RBM19: variants seen among roughly 807,000 people sequenced by gnomAD.
The protein encoded by RBM19 is RNA binding motif protein 19, also known as probable RNA-binding protein 19.
RBM19 carries 94 observed loss-of-function variants against 116.8 expected under a neutral mutation model. That is an observed-to-expected ratio of 0.80 (90% confidence interval 0.68 to 0.95). RBM19 has a LOEUF of 0.95. Among genes scored for constraint, RBM19 ranks in the 40% least tolerant of loss-of-function variants. RBM19 has a pLI of 0.00. For missense variants in RBM19, 1,161 were observed against 1,220.7 expected, an observed-to-expected ratio of 0.95 and a Z score of 0.73; for synonymous variants, 475 against 494.1, an observed-to-expected ratio of 0.96 and a Z score of 0.51.
intron 2 of RBM19, 30 bp from the exon 3 acceptor site, chr12:113,960,208 C>T: frequency 6.2e-7 from 1 of 1,612,324 alleles, no homozygotes; most frequent in Non-Finnish European, 8.5e-7. Context: ...ATTTTCACAC[C>T]TGCCATGGCA....
At chr12:113,856,140 T>G (rs1593489345) in intron 22 of RBM19, among the ~76,000 whole-genome samples, 1 of 152,200 alleles carries the variant, frequency 6.6e-6, no homozygotes, top group Non-Finnish European at 1.5e-5. Context: ...GGAGAGGCTG[T>G]GAGTTGAGCC....
chr12:113,948,867 G>C lies in RBM19; in HGVS notation c.1242C>G (p.Thr414=), dbSNP rs1277368988. The stretch of plus-strand genomic sequence containing the variant: ...AGAAGAGCTTCTCCAGATCCTCCTC[G>C]GTGCTGGTGTAGGGCAGGTTCCGTA... ...LFVRNLPYTS[T]EEDLEKLFSK... is the part of the protein sequence containing the mutation. The change falls in exon 10 of 24, where the codon ACC becomes ACG. Residue 414 remains threonine, a synonymous_variant. Transcript: ENST00000261741. The C allele has an allele frequency of 6.2e-7, 1 of 1,614,166 alleles. No homozygotes were observed. Among genetic ancestry groups the C allele is most frequent in the Non-Finnish European group, 8.5e-7 (1 of 1,180,030 alleles).
chr12:113,902,622 C>T (rs1398295906), intron 21 of RBM19, among the ~76,000 whole-genome samples: 2 of 144,258 alleles, frequency 1.4e-5, no homozygotes, highest in Admixed American at 1.4e-4. Context: ...AAAAAGACAA[C>T]GTTATATAAA....
At chr12:113,951,687 G>A (rs1871479208) in intron 8 of RBM19, among the ~76,000 whole-genome samples, 1 of 152,178 alleles carries the variant, frequency 6.6e-6, no homozygotes, top group Admixed American at 6.5e-5. Context: ...AAGGATGGGT[G>A]GCTGAATGGA....
chr12:113,964,702 T>C (rs879510619), intron 1 of RBM19, among the ~76,000 whole-genome samples: 8 of 152,102 alleles, frequency 5.3e-5, no homozygotes, highest in African/African-American at 7.2e-5. Flanking sequence ...TTTTTCACAG[T>C]TGAGGCCTAG....
chr12:113,906,198 C>T (rs887430639), intron 21 of RBM19, among the ~76,000 whole-genome samples: 3 of 152,224 alleles, frequency 2.0e-5, no homozygotes, highest in African/African-American at 7.2e-5. Flanking sequence ...ATAGCCCAAA[C>T]CCTGCCAACT....
intron 21 of RBM19, among the ~76,000 whole-genome samples, chr12:113,868,055 A>C (rs546382992): frequency 6.6e-6 from 1 of 152,342 alleles, no homozygotes; most frequent in Admixed American, 6.5e-5. Context: ...CCTTTATTTA[A>C]GAGCACACAG....
At chr12:113,923,511 T>C (rs1868777216) in intron 18 of RBM19, among the ~76,000 whole-genome samples, 1 of 152,218 alleles carries the variant, frequency 6.6e-6, no homozygotes, top group Non-Finnish European at 1.5e-5. Flanking sequence ...GAACCCTCCA[T>C]GGCTCCCCAG....
chr12:113,873,602 G>A (rs1430537991), intron 21 of RBM19, among the ~76,000 whole-genome samples: 5 of 125,952 alleles, frequency 4.0e-5, no homozygotes, highest in African/African-American at 1.5e-4. Flanking sequence ...TTGTTTATCT[G>A]CTGACCTTCC....
intron 21 of RBM19, among the ~76,000 whole-genome samples, chr12:113,905,976 G>C (rs1192711238): frequency 6.6e-6 from 1 of 152,232 alleles, no homozygotes; most frequent in Non-Finnish European, 1.5e-5. Context: ...ACCAAGTGTG[G>C]ACGAGGATGA....
chr12:113,818,752 C>T (rs2135667750), downstream of RBM19, among the ~76,000 whole-genome samples: 1 of 152,310 alleles, frequency 6.6e-6, no homozygotes, highest in South Asian at 2.1e-4. Flanking sequence ...TAACGCAGGC[C>T]TTTGGAGTCA....
intron 23 of RBM19, among the ~76,000 whole-genome samples, chr12:113,832,642 A>T (rs1166039445): frequency 6.6e-6 from 1 of 152,150 alleles, no homozygotes; most frequent in Non-Finnish European, 1.5e-5. Flanking sequence ...ACACCTCTGG[A>T]GGAAGGGCTG....
At chr12:113,857,811 T>G (rs372230843) in intron 22 of RBM19, among the ~76,000 whole-genome samples, 5 of 152,366 alleles carry the variant, frequency 3.3e-5, no homozygotes, top group Admixed American at 6.5e-5. Context: ...TCTGCACAGC[T>G]GACCCACCCC....
chr12:113,851,637 G>A (rs886502634), intron 22 of RBM19, among the ~76,000 whole-genome samples: 7 of 152,118 alleles, frequency 4.6e-5, no homozygotes, highest in East Asian at 3.9e-4. Context: ...CTGCTGGGAA[G>A]CATAAATAAG....
chr12:113,858,945 G>A (rs754222037), intron 21 of RBM19, 49 bp from the exon 22 acceptor site: 2 of 1,546,036 alleles, frequency 1.3e-6, no homozygotes, highest in East Asian at 4.5e-5. Context: ...AGGCCCGCAA[G>A]GGAGGTCGGG....
intron 7 of RBM19, among the ~76,000 whole-genome samples, chr12:113,954,524 C>A (rs575605719): frequency 2.1e-4 from 32 of 152,348 alleles, no homozygotes; most frequent in Middle Eastern, 3.4e-3. Flanking sequence ...GCACCCCTCT[C>A]ACTCTCAATT....
chr12:113,952,480 G>A (rs200821138), intron 8 of RBM19, 32 bp downstream of exon 8: 8 of 1,576,764 alleles, frequency 5.1e-6, no homozygotes, highest in Non-Finnish European at 7.0e-6. Context: ...CTGTCTACCC[G>A]CCTTCCCACC....
intron 23 of RBM19, among the ~76,000 whole-genome samples, chr12:113,837,341 G>C (rs781275515): frequency 6.6e-6 from 1 of 151,472 alleles, no homozygotes; most frequent in Admixed American, 6.6e-5. Flanking sequence ...CCTTTGCCCA[G>C]AGAGCATCCT....
At chr12:113,942,635 C>CTT (rs1380353154) in intron 13 of RBM19, among the ~76,000 whole-genome samples, 1 of 145,348 alleles carries the variant, frequency 6.9e-6, no homozygotes, top group African/African-American at 2.6e-5. Context: ...GGGTCTCACT[C>CTT]TGTCATATCT....
Sources: gnomAD v4.1 joint callset for allele counts (sites outside exome capture counted in the v4.1 genomes callset) on GRCh38, gnomAD v4.1.1 for gene constraint, MANE v1.5 for transcripts, NCBI Gene and HGNC (gene_info 2026-07-23, HGNC 2026-07-21) for gene names.